TTLL7: variants seen among roughly 807,000 people sequenced by gnomAD.
TTLL7 encodes the protein tubulin polyglutamylase TTLL7.
Under a neutral mutation model 120.2 loss-of-function variants are expected in TTLL7, and 53 were observed. That is an observed-to-expected ratio of 0.44 (90% CI 0.35 to 0.55). The LOEUF (loss-of-function observed/expected upper bound fraction) is 0.55. Ranked by LOEUF, TTLL7 falls within the 20% of genes least tolerant of loss-of-function variation. The pLI is 0.00. For missense variants in TTLL7, 803 were observed against 1,054.7 expected, an observed-to-expected ratio of 0.76 and a Z score of 3.31; for synonymous variants, 353 against 351.7, an observed-to-expected ratio of 1.00 and a Z score of -0.04.
intron 14 of TTLL7, among the ~76,000 whole-genome samples, chr1:83,913,805 G>A (rs1445837978): frequency 1.7e-5 from 2 of 119,752 alleles, no homozygotes; most frequent in Non-Finnish European, 4.1e-5. Flanking sequence ...TTCCTCCCAA[G>A]AGGTTATAGT....
At chr1:83,902,019 C>T (rs1480120590) in intron 18 of TTLL7, 1 of 151,982 alleles carries the variant, frequency 6.6e-6, no homozygotes, top group African/African-American at 2.4e-5. Context: ...ACTCTCTCCC[C>T]AAATCTCCAG....
At chr1:83,940,374 T>C (rs1459486049) in intron 7 of TTLL7, among the ~76,000 whole-genome samples, 2 of 152,186 alleles carry the variant, frequency 1.3e-5, no homozygotes, top group African/African-American at 4.8e-5. Context: ...TCTCAAATTA[T>C]GTTTGTAGCT....
At position 83,999,092 on chromosome 1, in the gene TTLL7, A is replaced by C. The variant is rs899835027; in HGVS notation, c.-338T>G. ...CGCCCGCCCACCGCCCGTGGCAGCC[A>C]CGGCTCGGGACTCCGGTGCTCGACG... On this transcript the variant is annotated 5_prime_UTR_variant, in exon 1 of 21. Coordinates refer to ENST00000260505, the MANE Select transcript of TTLL7 (RefSeq NM_024686.6). The C allele has an allele frequency of 2.5e-5, 11 of 443,378 alleles. No individual in the cohort carries two copies. Among genetic ancestry groups the C allele is most frequent in the African/African-American group, 2.3e-4 (11 of 48,116 alleles). The allele number at this position is 443,378 out of a possible 1,614,324, so 27.5% of individuals were successfully genotyped here. A position where few individuals can be genotyped will look rare whatever the true frequency, so the allele number is the denominator to read the frequency against.
chr1:83,973,076 G>C (rs1651139806), intron 1 of TTLL7, among the ~76,000 whole-genome samples: 1 of 151,862 alleles, frequency 6.6e-6, no homozygotes, highest in Admixed American at 6.6e-5. Flanking sequence ...TAATTTTAAT[G>C]AAGTCCAGCT....
intron 1 of TTLL7, among the ~76,000 whole-genome samples, chr1:83,991,438 G>A (rs1369135514): frequency 6.6e-6 from 1 of 152,102 alleles, no homozygotes; most frequent in Non-Finnish European, 1.5e-5. Context: ...TTGAGCTCAG[G>A]AGTTTGAGAC....
At chr1:83,971,230 T>C (rs1395036987) in intron 1 of TTLL7, among the ~76,000 whole-genome samples, 1 of 152,098 alleles carries the variant, frequency 6.6e-6, no homozygotes, top group Non-Finnish European at 1.5e-5. Flanking sequence ...TCAACTATCA[T>C]TTACCTGATG....
intron 1 of TTLL7, among the ~76,000 whole-genome samples, chr1:83,976,593 G>C (rs1266895621): frequency 1.3e-5 from 2 of 152,000 alleles, no homozygotes; most frequent in Admixed American, 1.3e-4. Flanking sequence ...TCCCACTAGA[G>C]TTACTTTAAT....
rs1401323177 is a variant in TTLL7, at chr1:83,999,119, G to T, written c.-365C>A. ...GGCTCGGGACTCCGGTGCTCGACGC[G>T]GAGTGCCTGGAACAGCTGTCGCTGC... On this transcript the variant is annotated 5_prime_UTR_variant, in exon 1 of 21. Coordinates refer to ENST00000260505, the MANE Select transcript of TTLL7 (RefSeq NM_024686.6). 4 of 437,086 alleles carry T rather than the reference G, an allele frequency of 9.2e-6. No homozygotes were observed. The highest frequency in any genetic ancestry group is 1.8e-5 in the Non-Finnish European group (4 of 220,458). The allele number at this position is 437,086 out of a possible 1,614,324, so 27.1% of individuals were successfully genotyped here. A position where few individuals can be genotyped will look rare whatever the true frequency, so the allele number is the denominator to read the frequency against.
rs1370962698 is a variant in TTLL7 at position 83,999,127 on chromosome 1, TG to T, written c.-374del. ...ACTCCGGTGCTCGACGCGGAGTGCC[TG>T]GAACAGCTGTCGCTGCCCAAGCGGG... On this transcript the variant is annotated 5_prime_UTR_variant, in exon 1 of 21. Transcript: ENST00000260505. 3 of 427,432 alleles carry T rather than the reference TG, an allele frequency of 7.0e-6. No homozygotes were observed. Among genetic ancestry groups the T allele is most frequent in the African/African-American group, 6.4e-5 (3 of 46,576 alleles). The allele number at this position is 427,432 out of a possible 1,614,324, so 26.5% of individuals were successfully genotyped here. A position where few individuals can be genotyped will look rare whatever the true frequency, so the allele number is the denominator to read the frequency against.
At chr1:83,918,411 A>C (rs1003119291) in intron 13 of TTLL7, among the ~76,000 whole-genome samples, 2 of 152,174 alleles carry the variant, frequency 1.3e-5, no homozygotes, top group Non-Finnish European at 1.5e-5. Context: ...GGTATAATCA[A>C]CTGTATCATT....
intron 14 of TTLL7, among the ~76,000 whole-genome samples, chr1:83,914,864 T>G (rs1237789916): frequency 6.6e-6 from 1 of 152,206 alleles, no homozygotes; most frequent in East Asian, 1.9e-4. Context: ...CAAATTGAAC[T>G]AATGGATTTT....
intron 10 of TTLL7, among the ~76,000 whole-genome samples, chr1:83,925,438 G>T (rs901522862): frequency 3.9e-5 from 6 of 152,160 alleles, no homozygotes; most frequent in African/African-American, 1.4e-4. Context: ...ATAAATGGTT[G>T]TTGAATGATT....
At chr1:83,887,249 C>T (rs41293005) in intron 19 of TTLL7, 1 of 1,233,770 alleles carries the variant, frequency 8.1e-7, no homozygotes, top group Non-Finnish European at 1.0e-6. Flanking sequence ...TATAATCAAA[C>T]ACTTGGATTA....
intron 1 of TTLL7, among the ~76,000 whole-genome samples, chr1:83,958,568 T>A (rs896323117): frequency 4.6e-5 from 7 of 152,164 alleles, no homozygotes; most frequent in Admixed American, 4.6e-4. Flanking sequence ...AAATATCAGG[T>A]CATGAATGAA....
At chr1:83,959,385 G>A (rs1005967423) in intron 1 of TTLL7, among the ~76,000 whole-genome samples, 3 of 152,226 alleles carry the variant, frequency 2.0e-5, no homozygotes, top group African/African-American at 7.2e-5. Flanking sequence ...GCACAGCAAT[G>A]TGGGTGACTT....
At chr1:83,992,442 GAA>G (rs61667840) in intron 1 of TTLL7, among the ~76,000 whole-genome samples, 1 of 148,850 alleles carries the variant, frequency 6.7e-6, no homozygotes, top group Non-Finnish European at 1.5e-5. Flanking sequence ...ATACTCTAAA[GAA>G]AAAAAAAACA....
At chr1:83,915,594 T>G (rs1265443005) in intron 14 of TTLL7, among the ~76,000 whole-genome samples, 1 of 152,150 alleles carries the variant, frequency 6.6e-6, no homozygotes, top group East Asian at 1.9e-4. Flanking sequence ...AAGGACTTCA[T>G]GTCTAAAACA....
Position 83,917,604 on chromosome 1 carries a change from C to G in TTLL7, c.1587G>C (p.Lys529Asn), listed in dbSNP as rs757457420. Reference protein sequence around the residue: ...MGKTTKTRGPKPLCSMPESTE... With the variant: ...MGKTTKTRGPNPLCSMPESTE... ...TAAGGAAGGTAGAGATATACTGCAC[C>G]TTTGGTCCTCGAGTCTTGGTAGTTT... The change falls in exon 14 of 21, where the codon AAG becomes AAC. Residue 529 changes from lysine (K) to asparagine (N), a missense_variant and splice_region_variant. Around this residue, in one of 3 missense-constraint regions of TTLL7, gnomAD observed 388 missense variants for 450.4 expected, o/e 0.86. Coordinates refer to ENST00000260505, the MANE Select transcript of TTLL7 (RefSeq NM_024686.6). 3 of 1,607,876 alleles carry G rather than the reference C, an allele frequency of 1.9e-6. No individual in the cohort carries two copies. The highest frequency in any genetic ancestry group is 2.6e-6 in the Non-Finnish European group (3 of 1,174,540).
intron 18 of TTLL7, among the ~76,000 whole-genome samples, chr1:83,899,268 T>C (rs979170312): frequency 1.1e-4 from 17 of 151,906 alleles, no homozygotes; most frequent in African/African-American, 3.9e-4. Flanking sequence ...TCTGAGAAAT[T>C]TGAGACTGTT....
Sources: gnomAD v4.1 joint callset for allele counts (sites outside exome capture counted in the v4.1 genomes callset) on GRCh38, gnomAD v4.1.1 for gene constraint, gnomAD v4.1.1 regional missense constraint, MANE v1.5 for transcripts, NCBI Gene and HGNC (gene_info 2026-07-23, HGNC 2026-07-21) for gene names.